The following LIX1 variants were observed in gnomAD, a reference collection of about 807,000 sequenced individuals.
LIX1 encodes limb and CNS expressed 1, also known as protein limb expression 1 homolog.
A neutral mutation model predicts 33.4 loss-of-function variants in LIX1; 24 were observed. That is an observed-to-expected ratio of 0.72 (90% CI 0.52 to 1.01). The LOEUF is 1.01. Among genes scored for constraint, LIX1 ranks in the 50% least tolerant of loss-of-function variants. The pLI is 0.00. For missense variants in LIX1, 311 were observed against 339.2 expected, an observed-to-expected ratio of 0.92 and a Z score of 0.65; for synonymous variants, 124 against 124.0, an observed-to-expected ratio of 1.00 and a Z score of 0.00.
chr5:97,133,758 A>C (rs1278113837), intron 1 of LIX1, among the ~76,000 whole-genome samples: 2 of 152,226 alleles, frequency 1.3e-5, no homozygotes, highest in Non-Finnish European at 2.9e-5. Context: ...CCAATTTTTC[A>C]CTTTCCCATG....
At chr5:97,101,603 C>G (rs1746701284) in intron 4 of LIX1, among the ~76,000 whole-genome samples, 1 of 152,156 alleles carries the variant, frequency 6.6e-6, no homozygotes, top group South Asian at 2.1e-4. Flanking sequence ...TACAGCTTTC[C>G]TGGTTTATTT....
intron 1 of LIX1, among the ~76,000 whole-genome samples, chr5:97,128,157 C>T (rs1028542745): frequency 6.6e-6 from 1 of 152,206 alleles, no homozygotes; most frequent in African/African-American, 2.4e-5. Flanking sequence ...TTGACTATCT[C>T]TGCTTCCTTA....
rs866778278 is a variant in LIX1, at chr5:97,119,525, C to T, written c.246+4941G>A. ...TTGGAGGGCCAAATGGGTGAAGGGG[C>T]CAGATTTGGCAGCCAACCACCCAAA... On this transcript the variant is annotated intron_variant, in intron 2 of 5. Transcript: ENST00000274382. 2.6e-5 allele frequency among the ~76,000 whole-genome samples: 4 copies of T among 152,216 alleles called. 1 individual carries two copies. Among genetic ancestry groups the T allele is most frequent in the Middle Eastern group, 3.4e-3 (1 of 294 alleles).
At chr5:97,122,049 T>C (rs534313688) in intron 2 of LIX1, among the ~76,000 whole-genome samples, 7 of 152,272 alleles carry the variant, frequency 4.6e-5, no homozygotes, top group African/African-American at 7.2e-5. Context: ...GTCTTTGGTG[T>C]CCACGGTTAC....
intron 2 of LIX1, among the ~76,000 whole-genome samples, chr5:97,112,029 A>G (rs1192381609): frequency 6.6e-6 from 1 of 152,256 alleles, no homozygotes; most frequent in Non-Finnish European, 1.5e-5. Flanking sequence ...ATTCTGAGCC[A>G]TCAAAGGGCT....
At chr5:97,101,756 T>TAGG (rs1746713520) in intron 4 of LIX1, 1 of 152,154 alleles carries the variant, frequency 6.6e-6, no homozygotes, top group Admixed American at 6.5e-5. Flanking sequence ...GAACTCTTTC[T>TAGG]AGGAGACGGG....
At chr5:97,122,949 C>T (rs1747820675) in intron 2 of LIX1, among the ~76,000 whole-genome samples, 1 of 152,186 alleles carries the variant, frequency 6.6e-6, no homozygotes, top group African/African-American at 2.4e-5. Context: ...AAGGATTTCA[C>T]ATTCATCACA....
intron 5 of LIX1, 95 bp from the exon 6 acceptor site, chr5:97,095,130 T>G: frequency 8.9e-7 from 1 of 1,125,088 alleles, no homozygotes; most frequent in Non-Finnish European, 1.3e-6. Context: ...CATTAGGGTT[T>G]TATCAACAAC....
At chr5:97,106,865 C>T (rs6556946) in intron 3 of LIX1, among the ~76,000 whole-genome samples, 1,689 of 152,244 alleles carry the variant, frequency 0.011, 25 homozygotes, top group African/African-American at 0.039. Flanking sequence ...ATTGGGCATA[C>T]GGTTTTTCAC....
chr5:97,123,217 G>A (rs901539830), intron 2 of LIX1, among the ~76,000 whole-genome samples: 4 of 152,090 alleles, frequency 2.6e-5, no homozygotes, highest in Non-Finnish European at 4.4e-5. Flanking sequence ...TGTGGCTTCC[G>A]CTTAGAAATG....
chr5:97,102,443 C>T (rs1463835795), intron 4 of LIX1, among the ~76,000 whole-genome samples: 5 of 152,066 alleles, frequency 3.3e-5, no homozygotes, highest in South Asian at 4.1e-4. Flanking sequence ...AAAAGGGATG[C>T]GCTCCATAGG....
intron 2 of LIX1, among the ~76,000 whole-genome samples, chr5:97,123,984 T>C (rs1257954579): frequency 6.6e-6 from 1 of 152,180 alleles, no homozygotes; most frequent in East Asian, 1.9e-4. Context: ...AGTGAAGGAT[T>C]TGAAACCATG....
Position 97,092,249 on chromosome 5 carries a change from A to G in LIX1, c.*2499T>C, listed in dbSNP as rs1746110100. 6.6e-6 allele frequency: 1 copy of G among 152,362 alleles called. No homozygotes were observed. The allele number at this position is 152,362 out of a possible 1,614,324, so 9.4% of individuals were successfully genotyped here. A position where few individuals can be genotyped will look rare whatever the true frequency, so the allele number is the denominator to read the frequency against. ...TATGTATGTTTTGTTCTATTTTCCT[A>G]GGAGATGATCCACAGCTTTTATCAG... On this transcript the variant is annotated 3_prime_UTR_variant, in exon 6 of 6. Transcript: ENST00000274382.
chr5:97,132,548 A>G (rs1748079326), intron 1 of LIX1, among the ~76,000 whole-genome samples: 1 of 151,850 alleles, frequency 6.6e-6, no homozygotes, highest in South Asian at 2.1e-4. Flanking sequence ...AAAGAGTGCC[A>G]GTAGGAAGGG....
Position 97,096,839 on chromosome 5 carries a change from C to T in LIX1, c.532G>A (p.Ala178Thr), listed in dbSNP as rs1461793072. 10 of 1,613,906 alleles carry T rather than the reference C, an allele frequency of 6.2e-6. No homozygotes were observed. The highest frequency in any genetic ancestry group is 5.0e-5 in the Admixed American group (3 of 59,996). Residue 178 changes from alanine to threonine, a missense_variant, in exon 5 of 6, where the codon GCC becomes ACC. Physicochemically the swap from Ala to Thr is moderately conservative, Grantham distance 58 (BLOSUM62 0). Transcript: ENST00000274382. ...QLLHWNGSLK[A>T]LRETKCSRQE... ...CGGGAACACTTTGTTTCACGAAGGGCTTTTAGGCTTCCATTCCAGTGCAAT... is the reference window on the plus strand; with the variant it reads ...CGGGAACACTTTGTTTCACGAAGGGTTTTTAGGCTTCCATTCCAGTGCAAT...
intron 1 of LIX1, among the ~76,000 whole-genome samples, chr5:97,140,169 CTG>C (rs1561507313): frequency 6.6e-6 from 1 of 152,082 alleles, no homozygotes; most frequent in Non-Finnish European, 1.5e-5. Flanking sequence ...GAGAGAAAAA[CTG>C]TGTTTGCATT....
Position 97,093,206 on chromosome 5 carries a change from G to A in LIX1, c.*1542C>T, listed in dbSNP as rs1340061699. The A allele has an allele frequency of 2.6e-5, 4 of 152,230 alleles. No homozygotes were observed. The highest frequency in any genetic ancestry group is 9.7e-5 in the African/African-American group (4 of 41,416). The allele number at this position is 152,230 out of a possible 1,614,324, so 9.4% of individuals were successfully genotyped here. ...TAGTTTTCATGTGGATTTAAGGAGTGATGGTTACCTTTGTACATACTTATT... is the reference window on the plus strand; with the variant it reads ...TAGTTTTCATGTGGATTTAAGGAGTAATGGTTACCTTTGTACATACTTATT... On this transcript the variant is annotated 3_prime_UTR_variant, in exon 6 of 6. Coordinates refer to ENST00000274382, the MANE Select transcript of LIX1 (RefSeq NM_153234.5).
chr5:97,141,926 G>A (rs543425551), intron 1 of LIX1, among the ~76,000 whole-genome samples: 235 of 152,078 alleles, frequency 1.5e-3, no homozygotes, highest in Middle Eastern at 3.4e-3. Context: ...GATGGTGGTA[G>A]GGGGTCCACA....
At chr5:97,099,731 G>A (rs989143220) in intron 4 of LIX1, among the ~76,000 whole-genome samples, 1 of 152,144 alleles carries the variant, frequency 6.6e-6, no homozygotes, top group African/African-American at 2.4e-5. Context: ...CAGCTACTCG[G>A]GAGGCTGAGG....
Sources: allele counts gnomAD v4.1 joint callset (sites outside exome capture counted in the v4.1 genomes callset), GRCh38; gene constraint gnomAD v4.1.1; transcripts MANE v1.5; gene names NCBI Gene and HGNC (gene_info 2026-07-23, HGNC 2026-07-21).